The following EPB41L4B variants were observed in gnomAD, a reference collection of about 807,000 sequenced individuals.
EPB41L4B encodes the protein band 4.1-like protein 4B.
A neutral mutation model predicts 112.5 loss-of-function variants in EPB41L4B; 30 were observed. The ratio of observed to expected loss-of-function variants is 0.27; its 90% CI spans 0.20 to 0.36. The LOEUF is 0.36. EPB41L4B is among the 10% of genes least tolerant of loss of function. The pLI, the probability that EPB41L4B is intolerant of heterozygous loss-of-function variation, is 1.00. For synonymous variants in EPB41L4B, 408 were observed against 439.7 expected, an observed-to-expected ratio of 0.93 and a Z score of 0.90; for missense variants, 1,024 against 1,133.3, an observed-to-expected ratio of 0.90 and a Z score of 1.38.
chr9:109,243,351 A>G (rs1469694002), intron 15 of EPB41L4B, among the ~76,000 whole-genome samples: 1 of 152,184 alleles, frequency 6.6e-6, no homozygotes, highest in East Asian at 1.9e-4. Context: ...TAACATCTTG[A>G]ACACAAAACT....
chr9:109,248,136 T>C (rs1367804962), intron 13 of EPB41L4B, among the ~76,000 whole-genome samples: 1 of 152,232 alleles, frequency 6.6e-6, no homozygotes, highest in African/African-American at 2.4e-5. Flanking sequence ...TGCCCTGGCA[T>C]TGCTGGGAGA....
At chr9:109,212,838 G>T (rs1159929132) in intron 17 of EPB41L4B, among the ~76,000 whole-genome samples, 2 of 152,164 alleles carry the variant, frequency 1.3e-5, no homozygotes, top group African/African-American at 4.8e-5. Flanking sequence ...AACTGGATGG[G>T]GGTCCCTAGT....
At position 109,320,477 on chromosome 9, in the gene EPB41L4B, C is replaced by CCCGCG. The variant is rs2119313626; in HGVS notation, c.-32_-31insCGCGG. 2.0e-6 allele frequency: 2 copies of CCCGCG among 976,132 alleles called. No individual in the cohort carries two copies. Among genetic ancestry groups the CCCGCG allele is most frequent in the South Asian group, 4.6e-5 (1 of 21,798 alleles). 60.5% of individuals were successfully genotyped at this position (976,132 alleles called of 1,614,324 possible). A position where few individuals can be genotyped will look rare whatever the true frequency, so the allele number is the denominator to read the frequency against. ...CTGGGGGCGCCCCCTGCCTCCGCCC[C>CCCGCG]CTGCGCTGCCGCTGCCGCTGCCGCT... is the stretch of plus-strand genomic sequence containing the variant. On this transcript the variant is annotated 5_prime_UTR_variant, in exon 1 of 26. Transcript: ENST00000374566.
At chr9:109,281,463 G>A (rs985350757) in intron 1 of EPB41L4B, among the ~76,000 whole-genome samples, 5 of 152,184 alleles carry the variant, frequency 3.3e-5, no homozygotes. Flanking sequence ...CACAATTTGG[G>A]AGTCTGAGGC....
intron 15 of EPB41L4B, among the ~76,000 whole-genome samples, chr9:109,220,218 G>A (rs1833524245): frequency 6.6e-6 from 1 of 152,216 alleles, no homozygotes. Context: ...AGTGGAAAAG[G>A]TAGAAACAGC....
intron 1 of EPB41L4B, among the ~76,000 whole-genome samples, chr9:109,298,576 T>C (rs1382205940): frequency 6.6e-6 from 1 of 152,170 alleles, no homozygotes; most frequent in African/African-American, 2.4e-5. Context: ...CCTCCCAAAG[T>C]GCTGGGATTA....
At chr9:109,220,478 T>C (rs987660729) in intron 15 of EPB41L4B, among the ~76,000 whole-genome samples, 1 of 152,204 alleles carries the variant, frequency 6.6e-6, no homozygotes, top group African/African-American at 2.4e-5. Context: ...GTTAGGAGAC[T>C]GCCGCAGGGC....
intron 24 of EPB41L4B, among the ~76,000 whole-genome samples, chr9:109,181,622 A>G (rs953438594): frequency 6.6e-6 from 1 of 151,978 alleles, no homozygotes; most frequent in Non-Finnish European, 1.5e-5. Context: ...GGATCACTTG[A>G]GCCCAGGAGT....
chr9:109,209,158 A>G (rs1160513752), intron 17 of EPB41L4B, among the ~76,000 whole-genome samples: 1 of 152,128 alleles, frequency 6.6e-6, no homozygotes, highest in African/African-American at 2.4e-5. Flanking sequence ...GGTACACACT[A>G]AGTGCTATGA....
chr9:109,193,864 T>C lies in EPB41L4B; in HGVS notation c.2223+356A>G, dbSNP rs749640173. ...GGGGACACTTCTATGTTTTTGCTCCTCCAAACTGTTCACTATGGTTGGGGG... is the reference window on the plus strand; with the variant it reads ...GGGGACACTTCTATGTTTTTGCTCCCCCAAACTGTTCACTATGGTTGGGGG... On this transcript the variant is annotated intron_variant, in intron 21 of 25. Coordinates refer to ENST00000374566, the MANE Select transcript of EPB41L4B (RefSeq NM_019114.5). Among the ~76,000 whole-genome samples the C allele has an allele frequency of 3.9e-5, 6 of 152,298 alleles. No individual in the cohort carries two copies. In the East Asian group the frequency reaches 9.7e-4, roughly 25 times the overall value.
chr9:109,202,969 A>G (rs1158039767), intron 19 of EPB41L4B, among the ~76,000 whole-genome samples: 1 of 152,140 alleles, frequency 6.6e-6, no homozygotes, highest in African/African-American at 2.4e-5. Flanking sequence ...AGCCTGGCCA[A>G]CATAGTGAAG....
At chr9:109,303,780 A>T (rs1837070695) in intron 1 of EPB41L4B, among the ~76,000 whole-genome samples, 1 of 152,022 alleles carries the variant, frequency 6.6e-6, no homozygotes, top group African/African-American at 2.4e-5. Context: ...TGCTAGGATT[A>T]TGGTTGTGAA....
intron 23 of EPB41L4B, among the ~76,000 whole-genome samples, chr9:109,183,344 G>A (rs531782623): frequency 6.6e-6 from 1 of 152,318 alleles, no homozygotes; most frequent in African/African-American, 2.4e-5. Context: ...TTGGCCAGTA[G>A]AGGGAGACCT....
intron 1 of EPB41L4B, among the ~76,000 whole-genome samples, chr9:109,317,987 G>A (rs1013262867): frequency 1.3e-5 from 2 of 152,170 alleles, no homozygotes; most frequent in Non-Finnish European, 2.9e-5. Context: ...CTCAGATCTG[G>A]GAAGATTAGT....
rs755867772 is a variant in EPB41L4B, at chr9:109,176,630, T to A, written c.2554A>T (p.Thr852Ser). 1 of 1,614,052 alleles carries A rather than the reference T, an allele frequency of 6.2e-7. No individual in the cohort carries two copies. The highest frequency in any genetic ancestry group is 2.2e-5 in the East Asian group (1 of 44,880). ...ACGGTCTCTGTCAAAGGCCTCAGGG[T>A]CGCTGCTGGGATCAGCGGGGAAGTC... is the stretch of plus-strand genomic sequence containing the variant. ...GPTSPLIPAA[T>S]LRPLTETVST... is the part of the protein sequence containing the mutation. Residue 852 changes from threonine (T) to serine (S), a missense_variant, in exon 25 of 26, where the codon ACC (threonine) becomes TCC (serine). By Grantham distance (58) the Thr-to-Ser change is moderately conservative. Coordinates refer to ENST00000374566, the MANE Select transcript of EPB41L4B (RefSeq NM_019114.5).
intron 1 of EPB41L4B, among the ~76,000 whole-genome samples, chr9:109,301,343 T>G (rs555237810): frequency 2.0e-5 from 3 of 152,232 alleles, no homozygotes; most frequent in Non-Finnish European, 4.4e-5. Flanking sequence ...TGGCCCACCA[T>G]TAATTTTTTT....
At chr9:109,177,058 T>A (rs1370952629) in intron 24 of EPB41L4B, among the ~76,000 whole-genome samples, 1 of 152,156 alleles carries the variant, frequency 6.6e-6, no homozygotes, top group Non-Finnish European at 1.5e-5. Context: ...TCGGGAAATG[T>A]TAAAAGGTGA....
chr9:109,227,843 G>C (rs767258987), intron 15 of EPB41L4B, among the ~76,000 whole-genome samples: 2 of 152,136 alleles, frequency 1.3e-5, no homozygotes, highest in Non-Finnish European at 2.9e-5. Flanking sequence ...ACCTCCCCAA[G>C]TGCTGGGATT....
At chr9:109,276,035 A>T (rs10125225) in intron 2 of EPB41L4B, among the ~76,000 whole-genome samples, 2,820 of 147,854 alleles carry the variant, frequency 0.019, 89 homozygotes, top group African/African-American at 0.055. Context: ...TTAAAGTTTT[A>T]TATATATATA....
Sources: allele counts gnomAD v4.1 joint callset (sites outside exome capture counted in the v4.1 genomes callset), GRCh38; gene constraint gnomAD v4.1.1; transcripts MANE v1.5; gene names NCBI Gene and HGNC (gene_info 2026-07-23, HGNC 2026-07-21).